ASTN1: variants seen among roughly 807,000 people sequenced by gnomAD.
ASTN1 encodes the protein astrotactin-1.
Under a neutral mutation model 140.7 loss-of-function variants are expected in ASTN1, and 41 were observed. The observed-to-expected ratio is 0.29, with a 90% CI of 0.23 to 0.38. The LOEUF (loss-of-function observed/expected upper bound fraction) is 0.38, where lower values mean the gene tolerates loss of function less well. Among genes scored for constraint, ASTN1 ranks in the 10% least tolerant of loss-of-function variants. The pLI is 1.00. For synonymous variants in ASTN1, 640 were observed against 652.2 expected (o/e 0.98, Z 0.29); for missense variants, 1,479 against 1,678.8 (o/e 0.88, Z 2.08).
At chr1:176,877,093 T>C (rs1349496566) in intron 20 of ASTN1, among the ~76,000 whole-genome samples, 1 of 152,144 alleles carries the variant, frequency 6.6e-6, no homozygotes, top group Non-Finnish European at 1.5e-5. Flanking sequence ...GTTTATATCT[T>C]TGGAAACAGA....
intron 21 of ASTN1, among the ~76,000 whole-genome samples, chr1:176,870,460 T>G (rs1214401245): frequency 3.3e-5 from 5 of 152,246 alleles, no homozygotes; most frequent in Non-Finnish European, 7.3e-5. Flanking sequence ...CAATTATTTC[T>G]TTACTTTTTT....
chr1:176,868,255 C>T (rs1668200447), intron 22 of ASTN1, among the ~76,000 whole-genome samples: 1 of 152,134 alleles, frequency 6.6e-6, no homozygotes, highest in South Asian at 2.1e-4. Context: ...ACTTTCCAAG[C>T]ACTCTAATCT....
chr1:177,162,247 C>T (rs191716963), intron 1 of ASTN1, among the ~76,000 whole-genome samples: 5 of 152,188 alleles, frequency 3.3e-5, no homozygotes, highest in African/African-American at 1.2e-4. Flanking sequence ...TCTGTTTAAC[C>T]ACCCACCCAA....
At chr1:177,065,064 G>T (rs1005306536) in intron 1 of ASTN1, among the ~76,000 whole-genome samples, 3 of 152,170 alleles carry the variant, frequency 2.0e-5, no homozygotes, top group African/African-American at 7.2e-5. Context: ...AGCAAATTTG[G>T]GAGGTGATAG....
At chr1:177,151,555 A>G (rs1343374893) in intron 1 of ASTN1, among the ~76,000 whole-genome samples, 1 of 152,150 alleles carries the variant, frequency 6.6e-6, no homozygotes, top group African/African-American at 2.4e-5. Flanking sequence ...ATGGCAGAGC[A>G]ACAAGGTGGA....
At chr1:176,882,570 T>C (rs998223268) in intron 20 of ASTN1, among the ~76,000 whole-genome samples, 2 of 152,210 alleles carry the variant, frequency 1.3e-5, no homozygotes, top group Non-Finnish European at 2.9e-5. Context: ...TTTTTTGCTT[T>C]TCTATCTACA....
chr1:176,959,100 GA>G (rs996698591), intron 9 of ASTN1, among the ~76,000 whole-genome samples: 3 of 143,706 alleles, frequency 2.1e-5, no homozygotes, highest in African/African-American at 7.6e-5. Flanking sequence ...ATACAGGGAA[GA>G]TTTTTTTTTT....
Position 177,061,280 on chromosome 1 carries a change from C to G in ASTN1, c.284-15G>C. 6.7e-7 allele frequency: 1 copy of G among 1,491,748 alleles called. No individual in the cohort carries two copies. Among genetic ancestry groups the G allele is most frequent in the Non-Finnish European group, 9.0e-7 (1 of 1,115,458 alleles). The allele number at this position is 1,491,748 out of a possible 1,614,324, so 92.4% of individuals were successfully genotyped here. A position where few individuals can be genotyped will look rare whatever the true frequency, so the allele number is the denominator to read the frequency against. On this transcript the variant is annotated splice_polypyrimidine_tract_variant and intron_variant, in intron 1 of 22. Coordinates refer to ENST00000361833, the MANE Select transcript of ASTN1 (RefSeq NM_004319.3). Reference sequence around the variant, plus strand: ...CCCTGAGATCTCTAGAAGATGAACACCAAAGGCACAGGTGAGAATTAGGAT... The same window carrying G: ...CCCTGAGATCTCTAGAAGATGAACAGCAAAGGCACAGGTGAGAATTAGGAT...
intron 17 of ASTN1, among the ~76,000 whole-genome samples, chr1:176,893,290 A>G (rs1040412157): frequency 2.5e-4 from 38 of 152,036 alleles, no homozygotes; most frequent in South Asian, 6.2e-4. Context: ...CAGGTAAGGG[A>G]AGAAGAAGAG....
intron 8 of ASTN1, among the ~76,000 whole-genome samples, chr1:177,008,190 GT>G (rs1253924102): frequency 6.6e-6 from 1 of 151,950 alleles, no homozygotes; most frequent in Non-Finnish European, 1.5e-5. Flanking sequence ...GGGTTTTTTT[GT>G]TTTTTTCCTT....
intron 1 of ASTN1, among the ~76,000 whole-genome samples, chr1:177,070,987 C>G (rs186704133): frequency 3.9e-4 from 60 of 152,278 alleles, no homozygotes; most frequent in African/African-American, 1.3e-3. Context: ...AATTGAGCAA[C>G]AATCTTTGAC....
chr1:176,919,077 CCT>C (rs1670623052), intron 16 of ASTN1, among the ~76,000 whole-genome samples: 1 of 152,166 alleles, frequency 6.6e-6, no homozygotes, highest in Non-Finnish European at 1.5e-5. Flanking sequence ...TATTCATTAC[CCT>C]CATAGCCCAT....
intron 1 of ASTN1, among the ~76,000 whole-genome samples, chr1:177,141,581 C>T (rs1682473127): frequency 6.6e-6 from 1 of 152,132 alleles, no homozygotes; most frequent in Non-Finnish European, 1.5e-5. Flanking sequence ...TCTGTGGGGA[C>T]TTGTAGGGCC....
intron 1 of ASTN1, among the ~76,000 whole-genome samples, chr1:177,072,591 C>G (rs1312049334): frequency 6.6e-6 from 1 of 152,184 alleles, no homozygotes; most frequent in African/African-American, 2.4e-5. Context: ...TGTTGCTCAG[C>G]TGAGAATAAC....
At chr1:176,942,810 T>TTG (rs201860134) in intron 14 of ASTN1, among the ~76,000 whole-genome samples, 4,812 of 69,854 alleles carry the variant, frequency 0.069, 480 homozygotes, top group African/African-American at 0.11. Context: ...CCAATGTACT[T>TTG]TGTGTGTGTG....
At chr1:177,029,892 C>T in intron 4 of ASTN1, 151 bp from the exon 5 acceptor site, 1 of 721,818 alleles carries the variant, frequency 1.4e-6, no homozygotes. Flanking sequence ...GGGGCTTCCT[C>T]ATACACGGAT....
intron 16 of ASTN1, among the ~76,000 whole-genome samples, chr1:176,913,805 C>T (rs1006710178): frequency 2.6e-5 from 4 of 152,164 alleles, no homozygotes; most frequent in African/African-American, 7.2e-5. Flanking sequence ...GAATGTTTTA[C>T]CTGAAACCAG....
chr1:176,997,164 A>G (rs866293919), intron 8 of ASTN1, among the ~76,000 whole-genome samples: 1 of 152,156 alleles, frequency 6.6e-6, no homozygotes, highest in Non-Finnish European at 1.5e-5. Context: ...ATTACCAAGC[A>G]CACTCCACAA....
At chr1:176,950,714 C>T (rs1235492883) in intron 11 of ASTN1, among the ~76,000 whole-genome samples, 2 of 152,054 alleles carry the variant, frequency 1.3e-5, no homozygotes, top group East Asian at 3.9e-4. Context: ...CAAGGTCAAG[C>T]AGCAGGAGTC....
Sources: gnomAD v4.1 joint callset for allele counts (sites outside exome capture counted in the v4.1 genomes callset) on GRCh38, gnomAD v4.1.1 for gene constraint, MANE v1.5 for transcripts, NCBI Gene and HGNC (gene_info 2026-07-23, HGNC 2026-07-21) for gene names.